CPQ: variants seen among roughly 807,000 people sequenced by gnomAD.
The protein encoded by CPQ is carboxypeptidase Q.
A neutral mutation model predicts 45.7 loss-of-function variants in CPQ; 37 were observed. The observed-to-expected ratio is 0.81, with a 90% CI of 0.62 to 1.07. The LOEUF (loss-of-function observed/expected upper bound fraction) is 1.07, where lower values mean the gene tolerates loss of function less well. CPQ is among the 50% of genes least tolerant of loss of function. The pLI, the probability that CPQ is intolerant of heterozygous loss-of-function variation, is 0.00. For synonymous variants in CPQ, 186 were observed against 205.8 expected (o/e 0.90, Z 0.82); for missense variants, 537 against 572.9 (o/e 0.94, Z 0.64).
intron 1 of CPQ, among the ~76,000 whole-genome samples, chr8:96,669,987 T>C (rs1320333939): frequency 6.6e-6 from 1 of 152,216 alleles, no homozygotes; most frequent in African/African-American, 2.4e-5. Context: ...AAAGACACCT[T>C]ACTGAGTATA....
At chr8:96,856,524 G>A (rs1270189105) in intron 3 of CPQ, among the ~76,000 whole-genome samples, 1 of 152,222 alleles carries the variant, frequency 6.6e-6, no homozygotes, top group Non-Finnish European at 1.5e-5. Flanking sequence ...TAGGTACAGT[G>A]AGAGAAGGAA....
At chr8:97,085,985 G>C (rs1811034988) in intron 7 of CPQ, among the ~76,000 whole-genome samples, 1 of 152,186 alleles carries the variant, frequency 6.6e-6, no homozygotes, top group Non-Finnish European at 1.5e-5. Context: ...CTACAGAAGA[G>C]AGGAAGCTGT....
chr8:96,867,267 TGAAG>T (rs1812007848), intron 3 of CPQ, among the ~76,000 whole-genome samples: 1 of 152,010 alleles, frequency 6.6e-6, no homozygotes, highest in South Asian at 2.1e-4. Context: ...AACTGCAAAA[TGAAG>T]GAAGGAACAC....
intron 5 of CPQ, among the ~76,000 whole-genome samples, chr8:97,002,192 T>C (rs893826066): frequency 1.3e-5 from 2 of 152,142 alleles, no homozygotes; most frequent in Admixed American, 1.3e-4. Flanking sequence ...ATCTATTTTA[T>C]TAATTTCTTC....
At chr8:97,137,518 T>A (rs1563591894) in intron 7 of CPQ, among the ~76,000 whole-genome samples, 1 of 152,208 alleles carries the variant, frequency 6.6e-6, no homozygotes, top group African/African-American at 2.4e-5. Context: ...GAGCATGTAC[T>A]CCCCACCAGC....
intron 4 of CPQ, among the ~76,000 whole-genome samples, chr8:96,893,622 A>G (rs531344319): frequency 3.9e-5 from 6 of 152,374 alleles, no homozygotes; most frequent in Non-Finnish European, 8.8e-5. Flanking sequence ...TCAGAGGGAC[A>G]AAATAATTGG....
intron 1 of CPQ, among the ~76,000 whole-genome samples, chr8:96,709,027 A>G (rs1052443046): frequency 6.6e-6 from 1 of 152,068 alleles, no homozygotes; most frequent in Non-Finnish European, 1.5e-5. Context: ...TCATTTGTTT[A>G]TGAATCAAGA....
intron 1 of CPQ, among the ~76,000 whole-genome samples, chr8:96,719,116 C>G (rs570871020): frequency 6.6e-6 from 1 of 152,226 alleles, no homozygotes; most frequent in Non-Finnish European, 1.5e-5. Context: ...GTCGATAGGA[C>G]TGGGTGCCGT....
At chr8:96,948,390 C>A (rs1813217380) in intron 4 of CPQ, among the ~76,000 whole-genome samples, 2 of 151,990 alleles carry the variant, frequency 1.3e-5, no homozygotes, top group South Asian at 4.1e-4. Flanking sequence ...TTTTTGATTT[C>A]ATTTTGACAC....
chr8:96,742,569 C>G (rs1453045999), intron 1 of CPQ, among the ~76,000 whole-genome samples: 6 of 152,002 alleles, frequency 3.9e-5, no homozygotes, highest in African/African-American at 7.2e-5. Context: ...TCTTCCTAGT[C>G]TCGATGGTCT....
At chr8:97,031,475 C>T (rs958227780) in intron 6 of CPQ, among the ~76,000 whole-genome samples, 11 of 152,170 alleles carry the variant, frequency 7.2e-5, no homozygotes, top group Middle Eastern at 3.4e-3. Context: ...TGTGAGCCAC[C>T]GTGCCCTCTT....
rs567128584 is a variant in CPQ at position 97,131,477 on chromosome 8, A to G, written c.1256-11543A>G. On this transcript the variant is annotated intron_variant, in intron 7 of 7. Transcript: ENST00000220763. The stretch of plus-strand genomic sequence containing the variant: ...TTAGATAGGATTTTTTAGTAGTAAG[A>G]CTTTTTTATATGTCTACCTATTATT... 9.9e-5 allele frequency among the ~76,000 whole-genome samples: 15 copies of G among 152,268 alleles called. No homozygotes were observed. The South Asian group carries it at 2.7e-3, about 27-fold the overall frequency.
chr8:96,813,739 C>T (rs930568938), intron 2 of CPQ, among the ~76,000 whole-genome samples: 3 of 152,066 alleles, frequency 2.0e-5, no homozygotes, highest in Middle Eastern at 3.2e-3. Flanking sequence ...GCCTAGGACT[C>T]ATAACGCCTG....
intron 5 of CPQ, among the ~76,000 whole-genome samples, chr8:96,998,248 T>C (rs759617197): frequency 1.3e-5 from 2 of 151,966 alleles, no homozygotes; most frequent in Non-Finnish European, 2.9e-5. Context: ...AACAATTAAG[T>C]GGTAATCAAA....
intron 2 of CPQ, among the ~76,000 whole-genome samples, chr8:96,786,073 A>C (rs1294618097): frequency 6.6e-6 from 1 of 152,190 alleles, no homozygotes; most frequent in Non-Finnish European, 1.5e-5. Context: ...AGAATGTACA[A>C]GCGATTTTTA....
intron 7 of CPQ, among the ~76,000 whole-genome samples, chr8:97,070,264 T>C (rs937697989): frequency 3.3e-5 from 5 of 152,144 alleles, no homozygotes; most frequent in Non-Finnish European, 1.5e-5. Context: ...CTATTGCTTT[T>C]CCAAATTTCT....
At chr8:96,758,833 C>G (rs1242350761) in intron 1 of CPQ, among the ~76,000 whole-genome samples, 2 of 152,144 alleles carry the variant, frequency 1.3e-5, no homozygotes, top group African/African-American at 4.8e-5. Context: ...AAGTCCTTCA[C>G]CAGTCTTCCT....
intron 1 of CPQ, among the ~76,000 whole-genome samples, chr8:96,737,567 C>T (rs1810004395): frequency 6.6e-6 from 1 of 151,792 alleles, no homozygotes; most frequent in Non-Finnish European, 1.5e-5. Context: ...CGTTTTTCTG[C>T]CTGCTTTATA....
chr8:97,101,654 T>C, intron 7 of CPQ, among the ~76,000 whole-genome samples: 1 of 150,410 alleles, frequency 6.6e-6, no homozygotes. Context: ...CTCTTTGAGA[T>C]ATAGGGCTCT....
Sources: allele counts gnomAD v4.1 joint callset (sites outside exome capture counted in the v4.1 genomes callset), GRCh38; gene constraint gnomAD v4.1.1; transcripts MANE v1.5; gene names NCBI Gene and HGNC (gene_info 2026-07-23, HGNC 2026-07-21).